Variants in CNTN5 observed in about 807,000 individuals in gnomAD.
CNTN5 encodes contactin-5.
In CNTN5, 77 loss-of-function variants were observed where a neutral mutation model predicts 129.1. That is an observed-to-expected ratio of 0.60 (90% CI 0.50 to 0.72). The LOEUF (loss-of-function observed/expected upper bound fraction) is 0.72, where lower values mean the gene tolerates loss of function less well. Ranked by LOEUF, CNTN5 falls within the 30% of genes least tolerant of loss-of-function variation. The pLI is 0.00. For synonymous variants in CNTN5, 509 were observed against 465.6 expected (o/e 1.09, Z -1.20); for missense variants, 1,478 against 1,328.8 (o/e 1.11, Z -1.75).
chr11:100,146,264 C>T (rs1395146970), intron 13 of CNTN5, among the ~76,000 whole-genome samples: 1 of 152,054 alleles, frequency 6.6e-6, no homozygotes, highest in African/African-American at 2.4e-5. Context: ...GAAAAGAGCT[C>T]AAAATGTAGG....
intron 13 of CNTN5, among the ~76,000 whole-genome samples, chr11:100,101,999 C>T (rs1945240634): frequency 6.6e-6 from 1 of 152,090 alleles, no homozygotes; most frequent in African/African-American, 2.4e-5. Flanking sequence ...TACATTGGTT[C>T]CATAGCTTTG....
chr11:99,704,126 GT>G (rs1267835798), intron 3 of CNTN5, among the ~76,000 whole-genome samples: 1 of 150,256 alleles, frequency 6.7e-6, no homozygotes, highest in Non-Finnish European at 1.5e-5. Context: ...AACTCATATG[GT>G]TTTCTGGCCC....
At chr11:99,571,011 A>G (rs1949158846) in intron 3 of CNTN5, among the ~76,000 whole-genome samples, 1 of 152,200 alleles carries the variant, frequency 6.6e-6, no homozygotes, top group African/African-American at 2.4e-5. Context: ...GAGAAGAATC[A>G]ATACAGACAA....
At chr11:100,025,505 T>C (rs1424768661) in intron 9 of CNTN5, among the ~76,000 whole-genome samples, 1 of 152,112 alleles carries the variant, frequency 6.6e-6, no homozygotes. Context: ...TTCACTGTCC[T>C]CTAGACCCCA....
chr11:100,268,894 G>A (rs12292449), intron 17 of CNTN5, among the ~76,000 whole-genome samples: 4,999 of 152,174 alleles, frequency 0.033, 256 homozygotes, highest in African/African-American at 0.11. Flanking sequence ...TAAGAATACC[G>A]CAGAAATCTA....
intron 9 of CNTN5, among the ~76,000 whole-genome samples, chr11:100,038,842 T>C (rs1327327908): frequency 2.6e-5 from 4 of 152,220 alleles, no homozygotes; most frequent in African/African-American, 9.6e-5. Flanking sequence ...TCTATCCCTT[T>C]ATTTTGAGCC....
intron 2 of CNTN5, among the ~76,000 whole-genome samples, chr11:99,439,707 C>CAAAAAAAAAAAAA (rs376871051): frequency 1.0e-5 from 1 of 95,462 alleles, no homozygotes; most frequent in African/African-American, 4.3e-5. Context: ...GACTCTGTCT[C>CAAAAAAAAAAAAA]AAAAAAAAAA....
intron 1 of CNTN5, among the ~76,000 whole-genome samples, chr11:99,079,154 G>C (rs1865696548): frequency 6.6e-6 from 1 of 151,978 alleles, no homozygotes; most frequent in African/African-American, 2.4e-5. Context: ...GAGATCTCTT[G>C]GCAAATTTCC....
chr11:100,315,768 A>G (rs996552365), intron 21 of CNTN5, among the ~76,000 whole-genome samples: 2 of 152,230 alleles, frequency 1.3e-5, no homozygotes, highest in African/African-American at 2.4e-5. Context: ...AATTTTGTCA[A>G]CATCCGCTTA....
chr11:99,599,764 T>A (rs758618586), intron 3 of CNTN5, among the ~76,000 whole-genome samples: 2 of 152,182 alleles, frequency 1.3e-5, no homozygotes, highest in Non-Finnish European at 2.9e-5. Flanking sequence ...TACAACATAT[T>A]GAATGGTGTA....
intron 1 of CNTN5, among the ~76,000 whole-genome samples, chr11:99,113,259 A>G (rs1295247742): frequency 6.6e-6 from 1 of 152,080 alleles, no homozygotes; most frequent in Non-Finnish European, 1.5e-5. Context: ...TAACATCTCC[A>G]CGCACTTATC....
chr11:99,190,943 A>C (rs994731748), intron 1 of CNTN5, among the ~76,000 whole-genome samples: 17 of 151,464 alleles, frequency 1.1e-4, no homozygotes. Context: ...GATAGCTTTC[A>C]CCTTTTCACT....
chr11:100,052,566 CA>C (rs1943015508), intron 9 of CNTN5, among the ~76,000 whole-genome samples: 1 of 151,512 alleles, frequency 6.6e-6, no homozygotes, highest in Admixed American at 6.6e-5. Flanking sequence ...AAAAGAATAC[CA>C]AAATAAGGAG....
At chr11:100,097,998 G>C (rs1396299762) in intron 13 of CNTN5, among the ~76,000 whole-genome samples, 1 of 151,826 alleles carries the variant, frequency 6.6e-6, no homozygotes, top group Admixed American at 6.6e-5. Context: ...TCCTTCATTT[G>C]TTTCGTTGTC....
At chr11:100,010,234 A>G (rs1482159805) in intron 9 of CNTN5, among the ~76,000 whole-genome samples, 1 of 152,160 alleles carries the variant, frequency 6.6e-6, no homozygotes, top group Non-Finnish European at 1.5e-5. Context: ...AGCCCATACA[A>G]GTTGTTAACT....
At chr11:99,340,080 A>C (rs2136052436) in intron 2 of CNTN5, among the ~76,000 whole-genome samples, 1 of 152,300 alleles carries the variant, frequency 6.6e-6, no homozygotes, top group Non-Finnish European at 1.5e-5. Flanking sequence ...GAAAAGGGAA[A>C]GCATAAAGGA....
At chr11:99,174,704 A>G (rs1217975721) in intron 1 of CNTN5, among the ~76,000 whole-genome samples, 1 of 152,108 alleles carries the variant, frequency 6.6e-6, no homozygotes, top group African/African-American at 2.4e-5. Context: ...GTTAGGCACT[A>G]TTATGCCCAT....
intron 17 of CNTN5, among the ~76,000 whole-genome samples, chr11:100,261,221 C>G (rs1021016480): frequency 6.6e-6 from 1 of 152,002 alleles, no homozygotes; most frequent in African/African-American, 2.4e-5. Context: ...AATAAAATAC[C>G]TAGGAATAGA....
chr11:100,217,471 T>C (rs1290117370), intron 15 of CNTN5, among the ~76,000 whole-genome samples: 1 of 152,226 alleles, frequency 6.6e-6, no homozygotes. Flanking sequence ...ATAAAATGTA[T>C]AGCTACTGTA....
Sources: gnomAD v4.1 joint callset for allele counts (sites outside exome capture counted in the v4.1 genomes callset) on GRCh38, gnomAD v4.1.1 for gene constraint, MANE v1.5 for transcripts, NCBI Gene and HGNC (gene_info 2026-07-23, HGNC 2026-07-21) for gene names.